Variants in GRK3 observed in about 807,000 individuals in gnomAD.
The protein encoded by GRK3 is adrenergic, beta, receptor kinase 2.
GRK3 carries 54 observed loss-of-function variants against 95.7 expected under a neutral mutation model. The ratio of observed to expected loss-of-function variants is 0.56; its 90% CI spans 0.45 to 0.71. The LOEUF (loss-of-function observed/expected upper bound fraction) is 0.71. Ranked by LOEUF, GRK3 falls within the 30% of genes least tolerant of loss-of-function variation. GRK3 has a pLI of 0.00. For missense variants in GRK3, 649 were observed against 851.2 expected, an observed-to-expected ratio of 0.76 and a Z score of 2.96; for synonymous variants, 281 against 290.8, an observed-to-expected ratio of 0.97 and a Z score of 0.34.
At chr22:25,720,637 C>G (rs767940038) in intron 19 of GRK3, among the ~76,000 whole-genome samples, 2 of 151,764 alleles carry the variant, frequency 1.3e-5, no homozygotes, top group South Asian at 4.2e-4. Context: ...CTACCACGCC[C>G]GGCTAATTTT....
chr22:25,641,347 C>T (rs1357940181), intron 2 of GRK3, among the ~76,000 whole-genome samples: 1 of 152,132 alleles, frequency 6.6e-6, no homozygotes, highest in Admixed American at 6.5e-5. Context: ...CCCGACTTCC[C>T]TCCCTCTCCT....
chr22:25,568,245 G>A (rs1338591013), intron 1 of GRK3, among the ~76,000 whole-genome samples: 1 of 152,038 alleles, frequency 6.6e-6, no homozygotes, highest in Non-Finnish European at 1.5e-5. Flanking sequence ...CCCACAAAGG[G>A]TCATCATCTT....
chr22:25,694,619 C>T (rs1179120633), intron 12 of GRK3, among the ~76,000 whole-genome samples: 1 of 152,178 alleles, frequency 6.6e-6, no homozygotes, highest in Non-Finnish European at 1.5e-5. Context: ...CTGTTGGTGA[C>T]CATGACCAAG....
chr22:25,606,013 G>A (rs957381738), intron 2 of GRK3, among the ~76,000 whole-genome samples: 2 of 152,012 alleles, frequency 1.3e-5, no homozygotes, highest in Admixed American at 1.3e-4. Flanking sequence ...CCTGTCTACA[G>A]TCCCCGCAAA....
chr22:25,644,155 G>GTT (rs547022325), intron 2 of GRK3, among the ~76,000 whole-genome samples: 1 of 139,066 alleles, frequency 7.2e-6, no homozygotes. Flanking sequence ...TTGTTTGTTT[G>GTT]TTTTTTTTTT....
Position 25,704,191 on chromosome 22 carries a change from T to C in GRK3, c.1310T>C (p.Leu437Pro). 1.2e-6 allele frequency: 2 copies of C among 1,613,192 alleles called. No individual in the cohort carries two copies. Among genetic ancestry groups the C allele is most frequent in the Non-Finnish European group, 1.7e-6 (2 of 1,179,492 alleles). Residue 437 changes from leucine (L) to proline (P), a missense_variant, in exon 15 of 21, where the codon CTG becomes CCG. By Grantham distance (98) the Leu-to-Pro change is moderately conservative (BLOSUM62 -3). This residue lies in a region of GRK3 where 382 missense variants were observed against 493.8 expected (regional missense o/e 0.77). Transcript: ENST00000324198. ...GLLQRDVSKR[L>P]GCHGGGSQEV... is the part of the protein sequence containing the mutation. ...CTTCAGCGAGACGTTAGCAAGCGGC[T>C]GGGCTGTCACGGAGGCGGGTAGGCC... is the stretch of plus-strand genomic sequence containing the variant.
At chr22:25,712,230 C>G (rs1049196911) in intron 17 of GRK3, among the ~76,000 whole-genome samples, 1 of 152,140 alleles carries the variant, frequency 6.6e-6, no homozygotes, top group African/African-American at 2.4e-5. Context: ...TGCAGAGGGC[C>G]CAGGTCACAG....
chr22:25,636,333 T>C (rs1293917646), intron 2 of GRK3, among the ~76,000 whole-genome samples: 1 of 152,234 alleles, frequency 6.6e-6, no homozygotes, highest in African/African-American at 2.4e-5. Context: ...CGTGTTCACA[T>C]ATCTACCTAC....
At chr22:25,703,957 C>CT (rs1370478918) in intron 14 of GRK3, 152 bp from the exon 15 acceptor site, 1 of 593,090 alleles carries the variant, frequency 1.7e-6, no homozygotes, top group Non-Finnish European at 2.9e-6. Flanking sequence ...GATTAGTTAT[C>CT]TTTTCATGTT....
rs1055385076 is a variant in GRK3, at chr22:25,657,437, T to C, written c.265-4139T>C. 2.6e-5 allele frequency among the ~76,000 whole-genome samples: 4 copies of C among 152,206 alleles called. No individual in the cohort carries two copies. The East Asian group carries it at 7.7e-4, about 29-fold the overall frequency. ...TGAAATGTGTCTATCTCTGGTAATA[T>C]TCTTTGTCTTGAAATTGACTTCACT... is the stretch of plus-strand genomic sequence containing the variant. On this transcript the variant is annotated intron_variant, in intron 3 of 20. Coordinates refer to ENST00000324198, the MANE Select transcript of GRK3 (RefSeq NM_005160.4).
chr22:25,607,612 TG>T (rs1347276479), intron 2 of GRK3, among the ~76,000 whole-genome samples: 1 of 152,176 alleles, frequency 6.6e-6, no homozygotes, highest in Non-Finnish European at 1.5e-5. Context: ...AGTCTTGCTC[TG>T]TCACTCAGGC....
At chr22:25,649,446 G>A (rs575358031) in intron 3 of GRK3, among the ~76,000 whole-genome samples, 2 of 152,248 alleles carry the variant, frequency 1.3e-5, no homozygotes, top group African/African-American at 2.4e-5. Flanking sequence ...CGATTTCAGG[G>A]TCCAAAGAAA....
chr22:25,702,254 T>C (rs1247412901), intron 13 of GRK3, among the ~76,000 whole-genome samples: 1 of 152,216 alleles, frequency 6.6e-6, no homozygotes, highest in African/African-American at 2.4e-5. Flanking sequence ...TCTCAAAAGA[T>C]AGTTCAATGT....
At chr22:25,591,698 G>A (rs945846163) in intron 1 of GRK3, among the ~76,000 whole-genome samples, 4 of 152,178 alleles carry the variant, frequency 2.6e-5, no homozygotes, top group African/African-American at 7.2e-5. Flanking sequence ...TATACCACAT[G>A]CACCATCCTT....
chr22:25,674,555 A>G (rs942996669), intron 8 of GRK3, 27 bp downstream of exon 8: 16 of 1,472,962 alleles, frequency 1.1e-5, no homozygotes, highest in Non-Finnish European at 1.5e-5. Context: ...CTTATGTTTT[A>G]CTGGCACTAT....
At chr22:25,644,135 GTTTTTT>G (rs915278019) in intron 2 of GRK3, among the ~76,000 whole-genome samples, 5 of 142,634 alleles carry the variant, frequency 3.5e-5, no homozygotes, top group Admixed American at 1.4e-4. Flanking sequence ...GGGTTCTGGT[GTTTTTT>G]TTTTTGTTTG....
At chr22:25,711,255 C>T in intron 17 of GRK3, 92 bp downstream of exon 17, 2 of 753,342 alleles carry the variant, frequency 2.7e-6, no homozygotes, top group South Asian at 4.0e-5. Context: ...TAATATTGGG[C>T]TGTTTATAGT....
chr22:25,660,248 G>A (rs1459260466), intron 3 of GRK3, among the ~76,000 whole-genome samples: 1 of 152,186 alleles, frequency 6.6e-6, no homozygotes, highest in African/African-American at 2.4e-5. Context: ...ATGGTGCTTG[G>A]ACATGTTAGA....
chr22:25,624,962 G>T (rs1347959747), intron 2 of GRK3, among the ~76,000 whole-genome samples: 1 of 150,744 alleles, frequency 6.6e-6, no homozygotes, highest in African/African-American at 2.4e-5. Context: ...TGTCTCCCAG[G>T]CTGGAGTGCA....
Sources: allele counts gnomAD v4.1 joint callset (sites outside exome capture counted in the v4.1 genomes callset), GRCh38; gene constraint gnomAD v4.1.1; regional missense constraint gnomAD v4.1.1; transcripts MANE v1.5; gene names NCBI Gene and HGNC (gene_info 2026-07-23, HGNC 2026-07-21).